PRKD1: variants seen among roughly 807,000 people sequenced by gnomAD.
The protein encoded by PRKD1 is serine/threonine-protein kinase D1.
A neutral mutation model predicts 95.9 loss-of-function variants in PRKD1; 63 were observed. The ratio of observed to expected loss-of-function variants is 0.66; its 90% CI spans 0.54 to 0.81. PRKD1 has a LOEUF of 0.81. Ranked by LOEUF, PRKD1 falls within the 30% of genes least tolerant of loss-of-function variation. The pLI is 0.00. For synonymous variants in PRKD1, 425 were observed against 423.1 expected (o/e 1.00, Z -0.05); for missense variants, 1,048 against 1,165.3 (o/e 0.90, Z 1.47).
intron 1 of PRKD1, among the ~76,000 whole-genome samples, chr14:29,895,898 C>T (rs1889358): frequency 0.013 from 1,988 of 152,278 alleles, 29 homozygotes; most frequent in African/African-American, 0.046. Flanking sequence ...ACCAGTTTTC[C>T]TTAACCATAC....
chr14:29,695,869 T>C (rs1884487318), intron 2 of PRKD1, among the ~76,000 whole-genome samples: 1 of 152,152 alleles, frequency 6.6e-6, no homozygotes, highest in Non-Finnish European at 1.5e-5. Context: ...GATAGATCAA[T>C]AAATGTAAAA....
intron 1 of PRKD1, 76 bp downstream of exon 1, chr14:29,927,173 G>A (rs1895332642): frequency 1.5e-6 from 2 of 1,333,558 alleles, no homozygotes; most frequent in Non-Finnish European, 1.9e-6. Context: ...CGGAAAGTTG[G>A]CGCGGAGAGG....
rs147823791 is a variant in PRKD1 at position 29,877,227 on chromosome 14, A to T, written c.264+50022T>A. 4.5e-4 allele frequency among the ~76,000 whole-genome samples: 68 copies of T among 152,326 alleles called. No homozygotes were observed. In the East Asian group the frequency reaches 0.012, roughly 27 times the overall value. On this transcript the variant is annotated intron_variant, in intron 1 of 17. Transcript: ENST00000331968. ...CAAGTGTTGACAAGAATGTGGAGAA[A>T]CTGCAACCCTGGTACACTGCTGGTA...
At chr14:29,779,997 A>G (rs1888968977) in intron 1 of PRKD1, among the ~76,000 whole-genome samples, 1 of 152,176 alleles carries the variant, frequency 6.6e-6, no homozygotes, top group African/African-American at 2.4e-5. Context: ...ATCTACAACC[A>G]TCTGATCTTT....
chr14:29,841,573 C>T (rs1473368187), intron 1 of PRKD1, among the ~76,000 whole-genome samples: 1 of 152,148 alleles, frequency 6.6e-6, no homozygotes, highest in East Asian at 1.9e-4. Context: ...CCGCTGCCAT[C>T]CATGTAAGAT....
At chr14:29,634,351 G>A (rs956402320) in intron 8 of PRKD1, 67 bp downstream of exon 8, 16 of 1,608,396 alleles carry the variant, frequency 9.9e-6, no homozygotes, top group Middle Eastern at 1.7e-4. Context: ...CAGTCCTCAC[G>A]GGACATTAGC....
chr14:29,784,729 C>T (rs1413329101), intron 1 of PRKD1, among the ~76,000 whole-genome samples: 3 of 152,114 alleles, frequency 2.0e-5, no homozygotes, highest in Non-Finnish European at 4.4e-5. Flanking sequence ...GATCAGCTGG[C>T]ATGGCAACTG....
intron 1 of PRKD1, among the ~76,000 whole-genome samples, chr14:29,808,620 G>C (rs186955395): frequency 2.6e-5 from 4 of 151,474 alleles, no homozygotes; most frequent in Non-Finnish European, 5.9e-5. Context: ...GGCTGATCTC[G>C]AACTCCTGAC....
At chr14:29,877,997 T>G (rs906693959) in intron 1 of PRKD1, among the ~76,000 whole-genome samples, 4 of 152,166 alleles carry the variant, frequency 2.6e-5, no homozygotes, top group Non-Finnish European at 5.9e-5. Flanking sequence ...CTGTCTTCTG[T>G]GGGAACATGG....
intron 1 of PRKD1, among the ~76,000 whole-genome samples, chr14:29,850,313 T>C (rs192804661): frequency 6.4e-4 from 97 of 152,088 alleles, no homozygotes; most frequent in African/African-American, 2.3e-3. Flanking sequence ...ACCCTAAAGA[T>C]CCCATCAAAA....
At chr14:29,692,630 T>C (rs905238650) in intron 2 of PRKD1, among the ~76,000 whole-genome samples, 3 of 152,030 alleles carry the variant, frequency 2.0e-5, no homozygotes, top group African/African-American at 7.2e-5. Context: ...TCAGTTTGAA[T>C]GTGTATTACA....
At chr14:29,625,021 G>T (rs1309632232) in intron 12 of PRKD1, among the ~76,000 whole-genome samples, 2 of 152,076 alleles carry the variant, frequency 1.3e-5, no homozygotes, top group Non-Finnish European at 2.9e-5. Flanking sequence ...AAATAGAAAT[G>T]GAAAATGGAT....
At chr14:29,904,101 A>G (rs939351792) in intron 1 of PRKD1, among the ~76,000 whole-genome samples, 1 of 152,186 alleles carries the variant, frequency 6.6e-6, no homozygotes, top group African/African-American at 2.4e-5. Context: ...TTTTATGGCA[A>G]TAATTAACAG....
chr14:29,697,691 T>C (rs1471183007), intron 2 of PRKD1, among the ~76,000 whole-genome samples: 1 of 152,176 alleles, frequency 6.6e-6, no homozygotes, highest in African/African-American at 2.4e-5. Context: ...GATCACACTT[T>C]AGTTCCTTTT....
chr14:29,577,854 T>C (rs926529199), intron 17 of PRKD1, among the ~76,000 whole-genome samples: 2 of 152,212 alleles, frequency 1.3e-5, no homozygotes, highest in African/African-American at 4.8e-5. Context: ...ATTTGTTCCA[T>C]ATATAATAAC....
chr14:29,710,666 G>A (rs1885295665), intron 2 of PRKD1, among the ~76,000 whole-genome samples: 1 of 152,044 alleles, frequency 6.6e-6, no homozygotes, highest in African/African-American at 2.4e-5. Flanking sequence ...TAATGAAAAA[G>A]ATTGGTAAGT....
At chr14:29,864,347 C>A (rs1263101019) in intron 1 of PRKD1, among the ~76,000 whole-genome samples, 1 of 152,050 alleles carries the variant, frequency 6.6e-6, no homozygotes, top group Non-Finnish European at 1.5e-5. Context: ...GGAATCTCAA[C>A]TTACCTGCCA....
chr14:29,839,798 G>A (rs1450725321), intron 1 of PRKD1, among the ~76,000 whole-genome samples: 1 of 152,124 alleles, frequency 6.6e-6, no homozygotes, highest in Non-Finnish European at 1.5e-5. Flanking sequence ...ACCCTGTGAA[G>A]CCATGACCTG....
At chr14:29,743,033 A>G (rs1361237812) in intron 1 of PRKD1, among the ~76,000 whole-genome samples, 3 of 152,174 alleles carry the variant, frequency 2.0e-5, no homozygotes, top group African/African-American at 7.2e-5. Flanking sequence ...TGCTCCCTTT[A>G]TATTTCTGTA....
Sources: gnomAD v4.1 joint callset for allele counts (sites outside exome capture counted in the v4.1 genomes callset) on GRCh38, gnomAD v4.1.1 for gene constraint, MANE v1.5 for transcripts, NCBI Gene and HGNC (gene_info 2026-07-23, HGNC 2026-07-21) for gene names.